KCNQ1: variants seen among roughly 807,000 people sequenced by gnomAD.
KCNQ1 encodes the protein potassium voltage-gated channel subfamily KQT member 1.
KCNQ1 carries 49 observed loss-of-function variants against 72.4 expected under a neutral mutation model. The observed-to-expected ratio is 0.68, with a 90% CI of 0.54 to 0.86. The LOEUF (loss-of-function observed/expected upper bound fraction) is 0.86. Among genes scored for constraint, KCNQ1 ranks in the 40% least tolerant of loss-of-function variants. The pLI, the probability that KCNQ1 is intolerant of heterozygous loss-of-function variation, is 0.00. For synonymous variants in KCNQ1, 450 were observed against 412.6 expected, an observed-to-expected ratio of 1.09 and a Z score of -1.10; for missense variants, 790 against 945.1, an observed-to-expected ratio of 0.84 and a Z score of 2.15.
intron 10 of KCNQ1, chr11:2,610,750 T>G: frequency 1.1e-5 from 4 of 378,306 alleles, no homozygotes; most frequent in Non-Finnish European, 1.8e-5. Flanking sequence ...TTTTTTACTT[T>G]GAGCACTTGG....
chr11:2,739,475 T>C (rs1323211206), intron 11 of KCNQ1, among the ~76,000 whole-genome samples: 2 of 152,202 alleles, frequency 1.3e-5, no homozygotes, highest in African/African-American at 4.8e-5. Flanking sequence ...TGGACATAGG[T>C]GGGCAACATT....
intron 11 of KCNQ1, among the ~76,000 whole-genome samples, chr11:2,758,317 A>G (rs891804056): frequency 6.6e-6 from 1 of 152,276 alleles, no homozygotes; most frequent in African/African-American, 2.4e-5. Flanking sequence ...CAACTTCGTT[A>G]GCAAAGATGG....
At chr11:2,455,515 G>A (rs762637471) in intron 1 of KCNQ1, among the ~76,000 whole-genome samples, 1 of 152,184 alleles carries the variant, frequency 6.6e-6, no homozygotes, top group Non-Finnish European at 1.5e-5. Context: ...TAACCAAGGA[G>A]GTGAAAGATC....
Position 2,588,957 on chromosome 11 carries a change from C to T in KCNQ1, c.1393+103C>T, listed in dbSNP as rs1848634849. The T allele has an allele frequency of 1.5e-6, 2 of 1,370,636 alleles. No homozygotes were observed. Among genetic ancestry groups the T allele is most frequent in the African/African-American group, 2.8e-5 (2 of 70,250 alleles). The allele number at this position is 1,370,636 out of a possible 1,614,324, so 84.9% of individuals were successfully genotyped here. A position where few individuals can be genotyped will look rare whatever the true frequency, so the allele number is the denominator to read the frequency against. On this transcript the variant is annotated intron_variant, in intron 10 of 15. Transcript: ENST00000155840. The surrounding 1 kb of genome is among the most constrained non-coding windows in gnomAD (Gnocchi z 5.6). Reference sequence around the variant, plus strand: ...GAGTTTCTCCCTTGGGCTGTGGTCTCTGACAACGAGGTATGAACAGACAGA... The same window carrying T: ...GAGTTTCTCCCTTGGGCTGTGGTCTTTGACAACGAGGTATGAACAGACAGA...
intron 11 of KCNQ1, chr11:2,667,195 G>A (rs1034634521): frequency 7.8e-5 from 31 of 398,696 alleles, no homozygotes; most frequent in Middle Eastern, 6.3e-4. Flanking sequence ...CAGCTGTGGC[G>A]GCCCCCCGTG....
At chr11:2,469,982 A>G (rs1274544368) in intron 1 of KCNQ1, among the ~76,000 whole-genome samples, 1 of 151,882 alleles carries the variant, frequency 6.6e-6, no homozygotes, top group African/African-American at 2.4e-5. Context: ...TTGTTTTTAG[A>G]GCTGCGGTCT....
At position 2,661,893 on chromosome 11, in the gene KCNQ1, G is replaced by T; in HGVS notation, c.1394-68G>T. 1.2e-6 allele frequency: 2 copies of T among 1,606,194 alleles called. No homozygotes were observed. The highest frequency in any genetic ancestry group is 8.5e-7 in the Non-Finnish European group (1 of 1,173,606). ...CTCACCTGGCCCTGGGAGCTCACAG[G>T]CCTGGCTCCACAGCACTGGCAGGTT... On this transcript the variant is annotated intron_variant, in intron 10 of 15. Coordinates refer to ENST00000155840, the MANE Select transcript of KCNQ1 (RefSeq NM_000218.3). The surrounding 1 kb of genome is among the most constrained non-coding windows in gnomAD (Gnocchi z 5.9).
chr11:2,651,189 G>A lies in KCNQ1; in HGVS notation c.1394-10772G>A, dbSNP rs908910508. 3.5e-5 allele frequency: 14 copies of A among 397,188 alleles called. No individual in the cohort carries two copies. The highest frequency in any genetic ancestry group is 1.2e-4 in the African/African-American group (6 of 48,186). The allele number at this position is 397,188 out of a possible 1,614,324, so 24.6% of individuals were successfully genotyped here. On this transcript the variant is annotated intron_variant, in intron 10 of 15. Coordinates refer to ENST00000155840, the MANE Select transcript of KCNQ1 (RefSeq NM_000218.3). This position sits in a 1 kb window ranked among gnomAD's most constrained non-coding sequence, Gnocchi z 6.1. ...TGCTGCTTCCCTACTCAAATGTTCCGACAGCTTCCTGTCACCCTGTCTTGT... is the reference window on the plus strand; with the variant it reads ...TGCTGCTTCCCTACTCAAATGTTCCAACAGCTTCCTGTCACCCTGTCTTGT...
intron 1 of KCNQ1, among the ~76,000 whole-genome samples, chr11:2,527,600 T>A (rs550037074): frequency 4.1e-4 from 62 of 152,310 alleles, no homozygotes; most frequent in African/African-American, 1.4e-3. Context: ...GCTTTCTGTT[T>A]CTGTGGCTCT....
At chr11:2,456,787 A>AAT (rs1846198054) in intron 1 of KCNQ1, among the ~76,000 whole-genome samples, 1 of 119,730 alleles carries the variant, frequency 8.4e-6, no homozygotes, top group Non-Finnish European at 1.6e-5. Flanking sequence ...AAAAAAAAAA[A>AAT]AATTAGCCGG....
At chr11:2,580,205 C>G (rs562930266) in intron 6 of KCNQ1, among the ~76,000 whole-genome samples, 27 of 152,048 alleles carry the variant, frequency 1.8e-4, no homozygotes, top group Admixed American at 1.7e-3. Flanking sequence ...GCCCAGCCCC[C>G]CTCAGGCCAA....
At chr11:2,662,514 T>C in intron 11 of KCNQ1, 1 of 428,540 alleles carries the variant, frequency 2.3e-6, no homozygotes, top group Admixed American at 3.9e-5. Context: ...CTCCTTCAGG[T>C]GGAGGAAATG....
rs969117335 is a variant in KCNQ1, at chr11:2,843,612, G to A, written c.1795-4155G>A. Among the ~76,000 whole-genome samples the A allele has an allele frequency of 3.3e-5, 5 of 152,390 alleles. No individual in the cohort carries two copies. The East Asian group carries it at 9.6e-4, about 29-fold the overall frequency. On this transcript the variant is annotated intron_variant, in intron 15 of 15. Transcript: ENST00000155840. ...TCCCTGGCCAGTCTGCCATCCACGA[G>A]GCCAGGGCCTTTGGCGGTCCTAGGC...
intron 14 of KCNQ1, 89 bp from the exon 15 acceptor site, chr11:2,777,887 C>A: frequency 1.8e-6 from 2 of 1,123,692 alleles, no homozygotes; most frequent in Non-Finnish European, 2.7e-6. Context: ...CTACCTCCCC[C>A]AGCCCTACCA....
Position 2,808,263 on chromosome 11 carries a change from G to A in KCNQ1, c.1794+30226G>A, listed in dbSNP as rs1847418872. ...CCCCCAGCACCCACCAAGCCCCTGC[G>A]ATATCCCAGTGGAAGATAATGGAGG... On this transcript the variant is annotated intron_variant, in intron 15 of 15. Coordinates refer to ENST00000155840, the MANE Select transcript of KCNQ1 (RefSeq NM_000218.3). This position sits in a 1 kb window ranked among gnomAD's most constrained non-coding sequence, Gnocchi z 6.0. Among the ~76,000 whole-genome samples the A allele has an allele frequency of 1.3e-5, 2 of 152,230 alleles. No individual in the cohort carries two copies. The highest frequency in any genetic ancestry group is 6.5e-5 in the Admixed American group (1 of 15,290).
rs947142207 is a variant in KCNQ1, at chr11:2,766,666, C to T, written c.1515-2178C>T. ...ATGCAAAATTCACTCACCCCCCTCCCGACGATACCTAAAATTCTCACCCAA... is the reference window on the plus strand; with the variant it reads ...ATGCAAAATTCACTCACCCCCCTCCTGACGATACCTAAAATTCTCACCCAA... On this transcript the variant is annotated intron_variant, in intron 11 of 15. Coordinates refer to ENST00000155840, the MANE Select transcript of KCNQ1 (RefSeq NM_000218.3). This position sits in a 1 kb window ranked among gnomAD's most constrained non-coding sequence, Gnocchi z 4.4. 1.3e-5 allele frequency among the ~76,000 whole-genome samples: 2 copies of T among 152,154 alleles called. No individual in the cohort carries two copies. The highest frequency in any genetic ancestry group is 2.9e-5 in the Non-Finnish European group (2 of 68,038).
intron 11 of KCNQ1, among the ~76,000 whole-genome samples, chr11:2,744,003 C>A (rs181332430): frequency 8.5e-5 from 13 of 152,348 alleles, no homozygotes; most frequent in Non-Finnish European, 1.5e-4. Context: ...GACTGCAGGT[C>A]TCTCGTGGGC....
rs1376925308 is a variant in KCNQ1, at chr11:2,526,200, T to C, written c.387-1728T>C. Among the ~76,000 whole-genome samples the C allele has an allele frequency of 6.6e-6, 1 of 151,772 alleles. No homozygotes were observed. Among genetic ancestry groups the C allele is most frequent in the African/African-American group, 2.4e-5 (1 of 41,270 alleles). ...GTGGTGTAAATACTGGGGCACGACATGGAGGGTTCACTGACTGGCTGGGTG... is the reference window on the plus strand; with the variant it reads ...GTGGTGTAAATACTGGGGCACGACACGGAGGGTTCACTGACTGGCTGGGTG... On this transcript the variant is annotated intron_variant, in intron 1 of 15. Transcript: ENST00000155840. The surrounding 1 kb of genome is among the most constrained non-coding windows in gnomAD (Gnocchi z 6.1).
At chr11:2,631,278 AT>A in intron 10 of KCNQ1, 1 of 398,362 alleles carries the variant, frequency 2.5e-6, no homozygotes, top group Non-Finnish European at 4.4e-6. Context: ...TTACCTTTTC[AT>A]TCTTTATTTT....
Sources: allele counts gnomAD v4.1 joint callset (sites outside exome capture counted in the v4.1 genomes callset), GRCh38; gene constraint gnomAD v4.1.1; non-coding constraint Gnocchi (gnomAD v3.1); transcripts MANE v1.5; gene names NCBI Gene and HGNC (gene_info 2026-07-23, HGNC 2026-07-21).